The following PRDM5 variants were observed in gnomAD, a reference collection of about 807,000 sequenced individuals.
PRDM5 encodes the protein PR domain zinc finger protein 5.
In PRDM5, 56 loss-of-function variants were observed where a neutral mutation model predicts 81.2. That is an observed-to-expected ratio of 0.69 (90% CI 0.56 to 0.86). The LOEUF is 0.86. Ranked by LOEUF, PRDM5 falls within the 40% of genes least tolerant of loss-of-function variation. The probability of loss-of-function intolerance (pLI) is 0.00; values close to 1 mark genes in which losing one functional copy is unlikely to be tolerated. For synonymous variants in PRDM5, 267 were observed against 256.4 expected (o/e 1.04, Z -0.39); for missense variants, 697 against 770.1 (o/e 0.91, Z 1.12).
At chr4:120,764,764 A>C (rs1162868220) in intron 13 of PRDM5, among the ~76,000 whole-genome samples, 2 of 152,342 alleles carry the variant, frequency 1.3e-5, no homozygotes, top group East Asian at 1.9e-4. Context: ...TGTGATGCTA[A>C]GGAAATCATT....
intron 12 of PRDM5, among the ~76,000 whole-genome samples, chr4:120,777,597 G>C (rs1163896118): frequency 6.6e-6 from 1 of 151,876 alleles, no homozygotes; most frequent in East Asian, 1.9e-4. Flanking sequence ...AATCAAAATA[G>C]GGCTATAGCT....
At chr4:120,836,619 A>G (rs1388909229) in intron 3 of PRDM5, among the ~76,000 whole-genome samples, 1 of 152,228 alleles carries the variant, frequency 6.6e-6, no homozygotes, top group Non-Finnish European at 1.5e-5. Flanking sequence ...CTTAAAGCAC[A>G]TATTTATCAT....
At chr4:120,834,400 A>G (rs1012725069) in intron 3 of PRDM5, among the ~76,000 whole-genome samples, 8 of 152,124 alleles carry the variant, frequency 5.3e-5, no homozygotes, top group African/African-American at 1.9e-4. Context: ...GCCCCACATA[A>G]GGTTACAGCA....
chr4:120,831,511 G>A (rs1756710197), intron 3 of PRDM5, among the ~76,000 whole-genome samples: 1 of 152,052 alleles, frequency 6.6e-6, no homozygotes, highest in South Asian at 2.1e-4. Flanking sequence ...AGACAGCTGA[G>A]TAAGAAAAAT....
chr4:120,836,511 C>T (rs1161695404), intron 3 of PRDM5, among the ~76,000 whole-genome samples: 1 of 152,158 alleles, frequency 6.6e-6, no homozygotes, highest in Non-Finnish European at 1.5e-5. Flanking sequence ...TGACTTTTAA[C>T]CCATGATTTC....
chr4:120,794,022 A>G (rs533412429), intron 10 of PRDM5, among the ~76,000 whole-genome samples: 1 of 152,358 alleles, frequency 6.6e-6, no homozygotes, highest in South Asian at 2.1e-4. Flanking sequence ...CAATTAAAAT[A>G]AGGCAAGCAA....
intron 14 of PRDM5, among the ~76,000 whole-genome samples, chr4:120,751,846 G>C (rs759338510): frequency 6.6e-6 from 1 of 152,164 alleles, no homozygotes; most frequent in Non-Finnish European, 1.5e-5. Context: ...GTATAGGCCT[G>C]ACACAGCATC....
chr4:120,759,001 C>A (rs968243502), intron 13 of PRDM5, among the ~76,000 whole-genome samples: 2 of 152,010 alleles, frequency 1.3e-5, no homozygotes, highest in African/African-American at 4.8e-5. Flanking sequence ...GTCATCCACC[C>A]ACCTCAACCA....
chr4:120,723,822 G>A (rs1220117497), intron 14 of PRDM5, among the ~76,000 whole-genome samples: 2 of 150,788 alleles, frequency 1.3e-5, no homozygotes, highest in Admixed American at 6.6e-5. Context: ...GGTTTCTGAT[G>A]TAACTGTCTT....
chr4:120,717,745 T>C (rs1738002062), intron 14 of PRDM5, among the ~76,000 whole-genome samples: 1 of 152,166 alleles, frequency 6.6e-6, no homozygotes, highest in Admixed American at 6.5e-5. Context: ...CATCCCAGAA[T>C]GGATCACAGG....
At chr4:120,763,011 T>A (rs1745853130) in intron 13 of PRDM5, among the ~76,000 whole-genome samples, 2 of 152,208 alleles carry the variant, frequency 1.3e-5, no homozygotes, top group African/African-American at 4.8e-5. Context: ...GAACCCTTAC[T>A]TATCAAAACA....
chr4:120,754,608 T>G lies in PRDM5; in HGVS notation c.1568A>C (p.Glu523Ala). 1.2e-6 allele frequency: 2 copies of G among 1,602,540 alleles called. No individual in the cohort carries two copies. The highest frequency in any genetic ancestry group is 8.5e-7 in the Non-Finnish European group (1 of 1,169,658). The change falls in exon 14 of 16, where the codon GAA (glutamate) becomes GCA (alanine). Residue 523 changes from glutamate to alanine, a missense_variant. Physicochemically the swap from Glu to Ala is moderately radical, Grantham distance 107. Around this residue, in one of 3 missense-constraint regions of PRDM5, gnomAD observed 86 missense variants for 135.2 expected, o/e 0.64. Coordinates refer to ENST00000264808, the MANE Select transcript of PRDM5 (RefSeq NM_018699.4). ...TCCATCATTTTTACTGAATCCTTTT[T>G]CACAGTAAGGACATTGATAGGGACG... ...GERPYQCPYC[E>A]KGFSKNDGLK...
intron 14 of PRDM5, among the ~76,000 whole-genome samples, chr4:120,716,944 G>A (rs901558232): frequency 6.6e-5 from 10 of 151,820 alleles, no homozygotes; most frequent in Non-Finnish European, 1.2e-4. Context: ...AATAAGCCAT[G>A]CCAAAGAAAT....
At chr4:120,866,500 C>T (rs897105214) in intron 2 of PRDM5, among the ~76,000 whole-genome samples, 3 of 152,180 alleles carry the variant, frequency 2.0e-5, no homozygotes, top group African/African-American at 7.2e-5. Context: ...TATTATGTGC[C>T]AGGCACTTTG....
At chr4:120,763,089 AT>A (rs1265687422) in intron 13 of PRDM5, among the ~76,000 whole-genome samples, 1 of 152,140 alleles carries the variant, frequency 6.6e-6, no homozygotes, top group East Asian at 1.9e-4. Context: ...ACGATGCTTT[AT>A]TTTCCTTAAG....
At chr4:120,813,615 A>G (rs543114063) in intron 7 of PRDM5, among the ~76,000 whole-genome samples, 4 of 152,234 alleles carry the variant, frequency 2.6e-5, no homozygotes, top group Non-Finnish European at 2.9e-5. Context: ...AATGCTTCTC[A>G]GTGATTGAAA....
chr4:120,758,165 T>C (rs1414180632), intron 13 of PRDM5, among the ~76,000 whole-genome samples: 1 of 152,192 alleles, frequency 6.6e-6, no homozygotes, highest in East Asian at 1.9e-4. Flanking sequence ...TCATGGAACT[T>C]CTTGGCCTCC....
At chr4:120,742,327 G>GA (rs1191739114) in intron 14 of PRDM5, among the ~76,000 whole-genome samples, 2 of 152,130 alleles carry the variant, frequency 1.3e-5, no homozygotes, top group African/African-American at 2.4e-5. Flanking sequence ...CAAAGATGGG[G>GA]AAAAAACAGA....
intron 1 of PRDM5, among the ~76,000 whole-genome samples, chr4:120,914,293 A>C (rs1330256568): frequency 6.6e-6 from 1 of 152,174 alleles, no homozygotes; most frequent in African/African-American, 2.4e-5. Context: ...TTCAAAAAAA[A>C]ATCTCAAGTG....
Sources: allele counts gnomAD v4.1 joint callset (sites outside exome capture counted in the v4.1 genomes callset), GRCh38; gene constraint gnomAD v4.1.1; regional missense constraint gnomAD v4.1.1; transcripts MANE v1.5; gene names NCBI Gene and HGNC (gene_info 2026-07-23, HGNC 2026-07-21).